Variants in RGS6 observed in about 807,000 individuals in gnomAD.
RGS6 encodes regulator of G-protein signaling 6.
Under a neutral mutation model 78.5 loss-of-function variants are expected in RGS6, and 30 were observed. That is an observed-to-expected ratio of 0.38 (90% CI 0.29 to 0.52). The LOEUF (loss-of-function observed/expected upper bound fraction) is 0.52, where lower values mean the gene tolerates loss of function less well. Among genes scored for constraint, RGS6 ranks in the 20% least tolerant of loss-of-function variants. The pLI, the probability that RGS6 is intolerant of heterozygous loss-of-function variation, is 0.85. For synonymous variants in RGS6, 206 were observed against 206.0 expected (o/e 1.00, Z 0.00); for missense variants, 495 against 609.7 (o/e 0.81, Z 1.98).
chr14:72,034,970 A>T (rs10132636), intron 2 of RGS6, among the ~76,000 whole-genome samples: 5,727 of 152,244 alleles, frequency 0.038, 364 homozygotes, highest in African/African-American at 0.13. Context: ...ATTGCATGTC[A>T]TTCTGAGTAG....
At chr14:71,878,914 A>G in the RGS6 span, among the ~76,000 whole-genome samples, 12 of 152,166 alleles carry the variant, frequency 7.9e-5, no homozygotes, top group Non-Finnish European at 1.5e-4. Context: ...CTGATGTACA[A>G]TTAGAGTCCC....
intron 17 of RGS6, among the ~76,000 whole-genome samples, chr14:72,544,566 T>G (rs2097367403): frequency 6.6e-6 from 1 of 152,118 alleles, no homozygotes; most frequent in African/African-American, 2.4e-5. Context: ...AAGTTTAGCT[T>G]TGCCAAGGTG....
At chr14:72,283,604 C>G (rs1055761247) in intron 2 of RGS6, among the ~76,000 whole-genome samples, 1 of 152,182 alleles carries the variant, frequency 6.6e-6, no homozygotes, top group African/African-American at 2.4e-5. Context: ...GATTGTGAGG[C>G]ACCCCACCCC....
chr14:72,472,856 C>T lies in RGS6; in HGVS notation c.537-16C>T, dbSNP rs2096123708. ...ATACAGAGCTTCTTATTTCCTTCCT[C>T]TCTTTACTCTTTCAGGATTGACCGG... On this transcript the variant is annotated splice_polypyrimidine_tract_variant and intron_variant, in intron 8 of 17. Transcript: ENST00000553525. 5.7e-6 allele frequency: 9 copies of T among 1,579,254 alleles called. No homozygotes were observed. In the East Asian group the frequency reaches 2.0e-4, roughly 35 times the overall value.
intron 1 of RGS6, among the ~76,000 whole-genome samples, chr14:71,963,823 C>T (rs2093354322): frequency 6.6e-6 from 1 of 152,162 alleles, no homozygotes; most frequent in Non-Finnish European, 1.5e-5. Flanking sequence ...CTGCTATGAA[C>T]ATTTGTGTAC....
intron 3 of RGS6, among the ~76,000 whole-genome samples, chr14:72,416,256 A>G (rs370392543): frequency 1.1e-4 from 17 of 152,266 alleles, no homozygotes; most frequent in African/African-American, 2.6e-4. Context: ...ACAGAGCTCT[A>G]TATGCATTAC....
At chr14:72,485,369 T>C (rs1470357741) in intron 12 of RGS6, among the ~76,000 whole-genome samples, 1 of 152,194 alleles carries the variant, frequency 6.6e-6, no homozygotes. Flanking sequence ...TTTTTGCTTC[T>C]CCTCTCCTAC....
chr14:72,526,159 G>A (rs2097114394), intron 15 of RGS6, among the ~76,000 whole-genome samples: 1 of 150,734 alleles, frequency 6.6e-6, no homozygotes, highest in Non-Finnish European at 1.5e-5. Flanking sequence ...GCTGGTGTGT[G>A]GTGGCACAAT....
chr14:72,054,932 C>T (rs898720567), intron 2 of RGS6, among the ~76,000 whole-genome samples: 6 of 152,212 alleles, frequency 3.9e-5, no homozygotes, highest in African/African-American at 1.4e-4. Flanking sequence ...TAAGATTCAT[C>T]CATGCTGTCA....
At chr14:72,393,053 C>G (rs2090390292) in intron 3 of RGS6, among the ~76,000 whole-genome samples, 1 of 152,138 alleles carries the variant, frequency 6.6e-6, no homozygotes, top group Admixed American at 6.5e-5. Context: ...TTATGTTGAA[C>G]CCTGTATGGC....
At chr14:72,474,301 C>T (rs1247322112) in intron 9 of RGS6, among the ~76,000 whole-genome samples, 2 of 152,088 alleles carry the variant, frequency 1.3e-5, no homozygotes, top group Non-Finnish European at 2.9e-5. Flanking sequence ...ATCCTGATAT[C>T]GTGGAGTCTT....
At chr14:72,091,607 T>C (rs1415664906) in intron 2 of RGS6, among the ~76,000 whole-genome samples, 2 of 152,190 alleles carry the variant, frequency 1.3e-5, no homozygotes, top group African/African-American at 4.8e-5. Flanking sequence ...CTGTGGAATC[T>C]TACTCCATTT....
At chr14:71,934,834 C>T (rs1379369247) in intron 1 of RGS6, among the ~76,000 whole-genome samples, 6 of 152,098 alleles carry the variant, frequency 3.9e-5, no homozygotes, top group Admixed American at 3.9e-4. Context: ...GCATTTTATC[C>T]CCTGAACTCC....
At chr14:72,285,175 A>T (rs1188584300) in intron 2 of RGS6, among the ~76,000 whole-genome samples, 1 of 152,042 alleles carries the variant, frequency 6.6e-6, no homozygotes, top group East Asian at 1.9e-4. Flanking sequence ...ACTTTGGGGG[A>T]CTATAGTGAG....
chr14:72,087,087 C>G (rs978634904), intron 2 of RGS6, among the ~76,000 whole-genome samples: 2 of 152,124 alleles, frequency 1.3e-5, no homozygotes, highest in Non-Finnish European at 1.5e-5. Context: ...ATTTTTGCCT[C>G]TTTCATCAGA....
rs891389581 is a variant in RGS6, at chr14:72,183,600, A to G, written c.85-168495A>G. Among the ~76,000 whole-genome samples, 8 of 152,222 alleles carry G rather than the reference A, an allele frequency of 5.3e-5. No homozygotes were observed. The South Asian group carries it at 1.7e-3, about 32-fold the overall frequency. On this transcript the variant is annotated intron_variant, in intron 2 of 17. Coordinates refer to ENST00000553525, the MANE Select transcript of RGS6 (RefSeq NM_001204424.2). ...CATAAATAGTACATACATTTACATTACAGCAGGGGGACATTGTCTTTGAAA... is the reference window on the plus strand; with the variant it reads ...CATAAATAGTACATACATTTACATTGCAGCAGGGGGACATTGTCTTTGAAA...
the RGS6 span, among the ~76,000 whole-genome samples, chr14:72,577,891 G>A: frequency 2.0e-5 from 3 of 152,288 alleles, no homozygotes; most frequent in Non-Finnish European, 4.4e-5. Context: ...AATACATCTC[G>A]CTTTAAACAG....
chr14:71,877,293 C>A, the RGS6 span, among the ~76,000 whole-genome samples: 1 of 152,194 alleles, frequency 6.6e-6, no homozygotes, highest in African/African-American at 2.4e-5. Flanking sequence ...TCCATTCTCC[C>A]CGTCACTTTC....
At chr14:72,307,060 C>A (rs1216139550) in intron 2 of RGS6, among the ~76,000 whole-genome samples, 1 of 152,162 alleles carries the variant, frequency 6.6e-6, no homozygotes, top group Non-Finnish European at 1.5e-5. Context: ...GCCACCCCAA[C>A]CTTCAGCAAC....
Sources: gnomAD v4.1 joint callset for allele counts (sites outside exome capture counted in the v4.1 genomes callset) on GRCh38, gnomAD v4.1.1 for gene constraint, MANE v1.5 for transcripts, NCBI Gene and HGNC (gene_info 2026-07-23, HGNC 2026-07-21) for gene names.